The following CFAP74 variants were observed in gnomAD, a reference collection of about 807,000 sequenced individuals.
CFAP74 encodes cilia- and flagella-associated protein 74.
Under a neutral mutation model 188.9 loss-of-function variants are expected in CFAP74, and 124 were observed. The ratio of observed to expected loss-of-function variants is 0.66; its 90% CI spans 0.57 to 0.76. The LOEUF is 0.76. Ranked by LOEUF, CFAP74 falls within the 30% of genes least tolerant of loss-of-function variation. CFAP74 has a pLI of 0.00. For synonymous variants in CFAP74, 956 were observed against 916.7 expected, an observed-to-expected ratio of 1.04 and a Z score of -0.77; for missense variants, 2,198 against 2,165.2, an observed-to-expected ratio of 1.02 and a Z score of -0.30.
At chr1:1,931,316 G>C (rs986823058) in intron 25 of CFAP74, among the ~76,000 whole-genome samples, 1 of 151,158 alleles carries the variant, frequency 6.6e-6, no homozygotes, top group African/African-American at 2.4e-5. Flanking sequence ...TGTAGTCCCA[G>C]CTACTTTGGA....
intron 30 of CFAP74, 26 bp from the exon 31 acceptor site, chr1:1,926,538 C>T (rs761467327): frequency 1.7e-5 from 27 of 1,549,452 alleles, no homozygotes; most frequent in Admixed American, 5.9e-5. Flanking sequence ...GAGCGTCAGG[C>T]CCCAGCCCCA....
intron 1 of CFAP74, among the ~76,000 whole-genome samples, chr1:1,998,141 G>A (rs2102120474): frequency 6.6e-6 from 1 of 152,272 alleles, no homozygotes; most frequent in East Asian, 1.9e-4. Flanking sequence ...AGCCGAGTGT[G>A]GTGGCGGGCA....
In CFAP74 at chr1:1,922,190, G is replaced by T; in HGVS notation, c.*97C>A. ...GCCTATTGGAATCTGGCAGAGGATG[G>T]CCAGGTCCCAGGCTCTAGGGTAGTA... On this transcript the variant is annotated 3_prime_UTR_variant, in exon 39 of 39. Transcript: ENST00000682832. 2 of 898,814 alleles carry T rather than the reference G, an allele frequency of 2.2e-6. No individual in the cohort carries two copies. The highest frequency in any genetic ancestry group is 3.5e-6 in the Non-Finnish European group (2 of 569,506). 55.7% of individuals were successfully genotyped at this position (898,814 alleles called of 1,614,324 possible).
intron 15 of CFAP74, among the ~76,000 whole-genome samples, chr1:1,959,555 C>T (rs1438974751): frequency 1.3e-5 from 2 of 152,220 alleles, no homozygotes; most frequent in Non-Finnish European, 2.9e-5. Context: ...CATAAGCCAC[C>T]ACACCCCTCC....
intron 25 of CFAP74, among the ~76,000 whole-genome samples, chr1:1,938,186 CTCACATTCAG>C (rs1653056810): frequency 2.7e-5 from 4 of 150,778 alleles, no homozygotes; most frequent in Non-Finnish European, 4.4e-5. Context: ...CATACAAGCA[CTCACATTCAG>C]TCACATGCTC....
chr1:1,932,066 C>CAAAAAAA (rs1214190743), intron 25 of CFAP74, among the ~76,000 whole-genome samples: 5 of 49,422 alleles, frequency 1.0e-4, no homozygotes, highest in African/African-American at 4.5e-4. Context: ...ACTCTCGCCT[C>CAAAAAAA]AAAAAAAAAA....
chr1:1,957,450 C>T (rs1558025308), intron 16 of CFAP74, among the ~76,000 whole-genome samples: 1 of 152,206 alleles, frequency 6.6e-6, no homozygotes, highest in Non-Finnish European at 1.5e-5. Flanking sequence ...GCCTCCTTCC[C>T]GCCTGCACCG....
chr1:1,969,265 G>A (rs1291752153), intron 10 of CFAP74, among the ~76,000 whole-genome samples: 7 of 58,366 alleles, frequency 1.2e-4, no homozygotes, highest in African/African-American at 4.7e-4. Flanking sequence ...GCCCAACCCA[G>A]CCCTGCCCTG....
chr1:1,959,062 C>G (rs1258883498), intron 16 of CFAP74, 58 bp downstream of exon 16: 1 of 1,255,994 alleles, frequency 8.0e-7, no homozygotes, highest in Non-Finnish European at 1.2e-6. Context: ...CCGTCCCCCA[C>G]TGGGGTTCCC....
chr1:1,978,279 T>C (rs1282681259), intron 6 of CFAP74, among the ~76,000 whole-genome samples: 2 of 152,118 alleles, frequency 1.3e-5, no homozygotes, highest in East Asian at 3.9e-4. Flanking sequence ...CTGGCAGGGA[T>C]GTTGCCTTTG....
intron 25 of CFAP74, among the ~76,000 whole-genome samples, chr1:1,936,430 G>A (rs565652500): frequency 6.6e-6 from 1 of 151,936 alleles, no homozygotes; most frequent in East Asian, 1.9e-4. Flanking sequence ...TATAGTCCCA[G>A]CTACTCGGGA....
In CFAP74 at chr1:1,956,702, A is replaced by C. The variant is rs943103425; in HGVS notation, c.1934T>G (p.Val645Gly). The C allele has an allele frequency of 1.2e-6, 2 of 1,614,058 alleles. No homozygotes were observed. The highest frequency in any genetic ancestry group is 1.7e-6 in the Non-Finnish European group (2 of 1,179,986). The part of the protein sequence containing the change: ...TTSRTITLTN[V>G]GGLGTTFKFL... Reference sequence around the variant, plus strand: ...CTTGAAAGTCGTGCCCAAGCCCCCAACGTTGGTCAGCGTGATGGTCCGAGA... The same window carrying C: ...CTTGAAAGTCGTGCCCAAGCCCCCACCGTTGGTCAGCGTGATGGTCCGAGA... The change falls in exon 17 of 39, where the codon GTT (valine) becomes GGT (glycine). Residue 645 changes from valine (V) to glycine (G), a missense_variant. By Grantham distance (109) the Val-to-Gly change is moderately radical. Transcript: ENST00000682832.
At chr1:2,002,266 T>G (rs187052257) in intron 1 of CFAP74, among the ~76,000 whole-genome samples, 2 of 152,262 alleles carry the variant, frequency 1.3e-5, no homozygotes, top group East Asian at 3.9e-4. Context: ...CAAAAAATGT[T>G]AAAGAATGTA....
intron 20 of CFAP74, among the ~76,000 whole-genome samples, chr1:1,946,034 G>A (rs1315029246): frequency 1.3e-5 from 2 of 151,874 alleles, no homozygotes; most frequent in African/African-American, 4.8e-5. Flanking sequence ...GTGTACGTGT[G>A]TGTGGGCTCT....
chr1:1,922,495 G>A lies in CFAP74; in HGVS notation c.4818+94C>T. On this transcript the variant is annotated intron_variant, in intron 38 of 38. Transcript: ENST00000682832. ...CACCTGACTCCCTTGGGTCCTCCAC[G>A]GCCACCTCCTCCCCTGGGACTGGGC... 7 of 1,550,222 alleles carry A rather than the reference G, an allele frequency of 4.5e-6. No individual in the cohort carries two copies. The South Asian group carries it at 6.0e-5, about 13-fold the overall frequency.
Position 1,924,497 on chromosome 1 carries a change from G to A in CFAP74, c.4128C>T (p.Pro1376=). The change falls in exon 34 of 39, where the codon CCC becomes CCT. Residue 1376 remains proline (P), a synonymous_variant. Transcript: ENST00000682832. Reference sequence around the variant, plus strand: ...TGTCCAGGTGCATGGAGAACTTGATGGGGAGCAGAGAGTTGTTCTGCAGCT... The same window carrying A: ...TGTCCAGGTGCATGGAGAACTTGATAGGGAGCAGAGAGTTGTTCTGCAGCT... ...GFKLQNNSLL[P]IKFSMHLDSL... 1.2e-6 allele frequency: 2 copies of A among 1,605,480 alleles called. No homozygotes were observed. The highest frequency in any genetic ancestry group is 1.7e-6 in the Non-Finnish European group (2 of 1,177,256).
chr1:1,958,270 G>C (rs775830362), intron 16 of CFAP74, among the ~76,000 whole-genome samples: 3 of 152,342 alleles, frequency 2.0e-5, no homozygotes, highest in East Asian at 3.9e-4. Flanking sequence ...CGCCTGCCCC[G>C]GCTTGTTCCT....
chr1:1,994,100 G>A (rs1657784890), intron 1 of CFAP74, among the ~76,000 whole-genome samples: 1 of 151,810 alleles, frequency 6.6e-6, no homozygotes, highest in African/African-American at 2.4e-5. Context: ...AGGAGGTCGA[G>A]GCTGCCGTGA....
chr1:1,982,140 C>T (rs58923167), intron 6 of CFAP74, among the ~76,000 whole-genome samples: 40 of 72,608 alleles, frequency 5.5e-4, no homozygotes, highest in Non-Finnish European at 5.5e-4. Context: ...CACCCAGCCA[C>T]GGACAGACAC....
Sources: gnomAD v4.1 joint callset for allele counts (sites outside exome capture counted in the v4.1 genomes callset) on GRCh38, gnomAD v4.1.1 for gene constraint, MANE v1.5 for transcripts, NCBI Gene and HGNC (gene_info 2026-07-23, HGNC 2026-07-21) for gene names.